The following LATS2 variants were observed in gnomAD, a reference collection of about 807,000 sequenced individuals.
LATS2 encodes the protein large tumor suppressor kinase 2.
In LATS2, 24 loss-of-function variants were observed where a neutral mutation model predicts 76.0. That is an observed-to-expected ratio of 0.32 (90% CI 0.23 to 0.44). LATS2 has a LOEUF of 0.44. Ranked by LOEUF, LATS2 falls within the 20% of genes least tolerant of loss-of-function variation. LATS2 has a pLI of 1.00. For missense variants in LATS2, 1,286 were observed against 1,481.2 expected (o/e 0.87, Z 2.16); for synonymous variants, 692 against 635.4 (o/e 1.09, Z -1.34).
chr13:21,006,477 G>C (rs1201370516), intron 2 of LATS2, among the ~76,000 whole-genome samples: 1 of 152,186 alleles, frequency 6.6e-6, no homozygotes, highest in Non-Finnish European at 1.5e-5. Flanking sequence ...ACTAACTTGT[G>C]CCACAATTGA....
chr13:20,981,778 AC>A (rs1869900597), intron 5 of LATS2, 130 bp from the exon 6 acceptor site: 8 of 763,252 alleles, frequency 1.0e-5, no homozygotes, highest in Middle Eastern at 3.2e-4. Context: ...ACATATCAGG[AC>A]AGAGAATCCC....
chr13:20,998,819 G>C (rs1379452414), intron 2 of LATS2, among the ~76,000 whole-genome samples: 2 of 152,130 alleles, frequency 1.3e-5, no homozygotes, highest in African/African-American at 2.4e-5. Context: ...CGGGGCGGGG[G>C]CCGCAGCGAC....
chr13:21,043,998 G>A (rs112603851), intron 2 of LATS2, among the ~76,000 whole-genome samples: 3 of 152,166 alleles, frequency 2.0e-5, no homozygotes, highest in African/African-American at 4.8e-5. Context: ...GGTTCTGTAC[G>A]TCAAGGGATA....
intron 5 of LATS2, among the ~76,000 whole-genome samples, chr13:20,981,866 G>A (rs1234738330): frequency 2.0e-5 from 3 of 152,190 alleles, no homozygotes; most frequent in Non-Finnish European, 4.4e-5. Flanking sequence ...CTAGCACCAA[G>A]GTAGAAATGA....
intron 1 of LATS2, among the ~76,000 whole-genome samples, chr13:21,052,280 G>A (rs1873296683): frequency 6.6e-6 from 1 of 152,204 alleles, no homozygotes; most frequent in Non-Finnish European, 1.5e-5. Flanking sequence ...AATGAGGCCA[G>A]GAGATAAGAC....
chr13:21,047,303 C>A (rs542371356), intron 1 of LATS2, among the ~76,000 whole-genome samples: 61 of 152,274 alleles, frequency 4.0e-4, no homozygotes, highest in African/African-American at 1.3e-3. Flanking sequence ...ATGCTTAGGA[C>A]AGTGGTGAGC....
chr13:20,999,800 C>A (rs997746810), intron 2 of LATS2, among the ~76,000 whole-genome samples: 13 of 150,374 alleles, frequency 8.6e-5, no homozygotes, highest in African/African-American at 2.7e-4. Flanking sequence ...AAATCCTTGG[C>A]CTTGCCAATG....
At position 20,975,075 on chromosome 13, in the gene LATS2, G is replaced by T; in HGVS notation, c.3062C>A (p.Ala1021Asp). 1.9e-6 allele frequency: 3 copies of T among 1,614,260 alleles called. No individual in the cohort carries two copies. Among genetic ancestry groups the T allele is most frequent in the Non-Finnish European group, 2.5e-6 (3 of 1,180,046 alleles). Residue 1021 changes from alanine to aspartate, a missense_variant, in exon 8 of 8, where the codon GCC (alanine) becomes GAC (aspartate). Coordinates refer to ENST00000382592, the MANE Select transcript of LATS2 (RefSeq NM_014572.3). The part of the protein sequence containing the change: ...WNDASEGSTK[A>D]WDTLTSPNNK... ...ATTGGGCGAGGTGAGTGTGTCCCAG[G>T]CCTTGGTGCTACCTTCGCTGGCATC...
rs761147095 is a variant in LATS2, at chr13:20,988,470, G to T, written c.1310C>A (p.Ala437Asp). 5.9e-6 allele frequency: 9 copies of T among 1,537,612 alleles called. No individual in the cohort carries two copies. The highest frequency in any genetic ancestry group is 1.4e-5 in the African/African-American group (1 of 72,904). The change falls in exon 4 of 8, where the codon GCC becomes GAC. Residue 437 changes from alanine (A) to aspartate (D), a missense_variant. By Grantham distance (126) the Ala-to-Asp change is moderately radical. Around this residue, in one of 5 missense-constraint regions of LATS2, gnomAD observed 710 missense variants for 660.9 expected, o/e 1.07. Coordinates refer to ENST00000382592, the MANE Select transcript of LATS2 (RefSeq NM_014572.3). ...PAPNTVTAVT[A>D]AHILHPVKSV... The stretch of plus-strand genomic sequence containing the variant: ...CTTCACCGGGTGCAAGATGTGCGCG[G>T]CCGTGACAGCCGTCACGGTGTTGGG...
At chr13:21,021,106 A>G (rs548967311) in intron 2 of LATS2, among the ~76,000 whole-genome samples, 58 of 152,150 alleles carry the variant, frequency 3.8e-4, no homozygotes, top group Non-Finnish European at 7.6e-4. Flanking sequence ...CACTGTCAAA[A>G]CTGGTCAGTG....
At chr13:21,006,207 G>GAA (rs34939626) in intron 2 of LATS2, among the ~76,000 whole-genome samples, 114 of 143,620 alleles carry the variant, frequency 7.9e-4, no homozygotes, top group African/African-American at 2.5e-3. Flanking sequence ...CATGTGTGAG[G>GAA]AAAAAAAAAA....
At chr13:21,036,609 C>T (rs1022409844) in intron 2 of LATS2, among the ~76,000 whole-genome samples, 7 of 151,794 alleles carry the variant, frequency 4.6e-5, no homozygotes, top group African/African-American at 1.7e-4. Flanking sequence ...CCCGTCTCTA[C>T]TAAAAATACA....
intron 2 of LATS2, among the ~76,000 whole-genome samples, chr13:21,037,249 C>T (rs1872712670): frequency 6.6e-6 from 1 of 152,100 alleles, no homozygotes; most frequent in African/African-American, 2.4e-5. Flanking sequence ...TACAAAAATA[C>T]AAAAATTAGC....
intron 2 of LATS2, among the ~76,000 whole-genome samples, chr13:20,993,164 G>A (rs1383249070): frequency 6.6e-6 from 1 of 152,164 alleles, no homozygotes; most frequent in Non-Finnish European, 1.5e-5. Flanking sequence ...ACTCCGCAGA[G>A]AGAGATGCAG....
At position 20,988,472 on chromosome 13, in the gene LATS2, C is replaced by G; in HGVS notation, c.1308G>C (p.Thr436=). ...TCACCGGGTGCAAGATGTGCGCGGCCGTGACAGCCGTCACGGTGTTGGGGG... is the reference window on the plus strand; with the variant it reads ...TCACCGGGTGCAAGATGTGCGCGGCGGTGACAGCCGTCACGGTGTTGGGGG... ...LPAPNTVTAV[T]AAHILHPVKS... is the part of the protein sequence containing the mutation. The change falls in exon 4 of 8, where the codon ACG becomes ACC. Residue 436 remains threonine (T), a synonymous_variant. Coordinates refer to ENST00000382592, the MANE Select transcript of LATS2 (RefSeq NM_014572.3). 1 of 1,514,836 alleles carries G rather than the reference C, an allele frequency of 6.6e-7. No homozygotes were observed. Among genetic ancestry groups the G allele is most frequent in the African/African-American group, 1.4e-5 (1 of 72,006 alleles). The allele number at this position is 1,514,836 out of a possible 1,614,324, so 93.8% of individuals were successfully genotyped here. A position where few individuals can be genotyped will look rare whatever the true frequency, so the allele number is the denominator to read the frequency against.
At chr13:21,027,905 C>T (rs191448863) in intron 2 of LATS2, among the ~76,000 whole-genome samples, 1 of 152,066 alleles carries the variant, frequency 6.6e-6, no homozygotes, top group East Asian at 1.9e-4. Flanking sequence ...ATACTCTCTC[C>T]ATTTATTTAT....
At chr13:20,985,118 C>G (rs1870082271) in intron 4 of LATS2, among the ~76,000 whole-genome samples, 1 of 152,148 alleles carries the variant, frequency 6.6e-6, no homozygotes, top group Non-Finnish European at 1.5e-5. Context: ...CAATCTCTCA[C>G]CATATAGGAA....
intron 2 of LATS2, among the ~76,000 whole-genome samples, chr13:20,992,691 G>T (rs879554882): frequency 6.6e-6 from 1 of 152,176 alleles, no homozygotes; most frequent in Non-Finnish European, 1.5e-5. Context: ...TGAAAATGTA[G>T]AACGGGGAGC....
rs200348220 is a variant in LATS2 at position 20,988,629 on chromosome 13, G to A, written c.1151C>T (p.Pro384Leu). 5.9e-5 allele frequency: 94 copies of A among 1,587,228 alleles called. No individual in the cohort carries two copies. In the African/African-American group the frequency reaches 1.1e-3, roughly 18 times the overall value. The change falls in exon 4 of 8, where the codon CCG becomes CTG. Residue 384 changes from proline (P) to leucine (L), a missense_variant. Around this residue, in one of 5 missense-constraint regions of LATS2, gnomAD observed 710 missense variants for 660.9 expected, o/e 1.07. Coordinates refer to ENST00000382592, the MANE Select transcript of LATS2 (RefSeq NM_014572.3). ...CGCGCGCGGCGGCGCCTCCAGGCCC[G>A]GCTTCTGCAGGGAGTCCCGGCGGGC... ...TLARRDSLQK[P>L]GLEAPPRAHV...
Sources: allele counts gnomAD v4.1 joint callset (sites outside exome capture counted in the v4.1 genomes callset), GRCh38; gene constraint gnomAD v4.1.1; regional missense constraint gnomAD v4.1.1; transcripts MANE v1.5; gene names NCBI Gene and HGNC (gene_info 2026-07-23, HGNC 2026-07-21).